TNKS1BP1: variants seen among roughly 807,000 people sequenced by gnomAD.
The protein encoded by TNKS1BP1 is CCR4-NOT transcription complex subunit 12.
In TNKS1BP1, 48 loss-of-function variants were observed where a neutral mutation model predicts 141.1. That is an observed-to-expected ratio of 0.34 (90% CI 0.27 to 0.43). The LOEUF (loss-of-function observed/expected upper bound fraction) is 0.43, where lower values mean the gene tolerates loss of function less well. Among genes scored for constraint, TNKS1BP1 ranks in the 20% least tolerant of loss-of-function variants. The pLI, the probability that TNKS1BP1 is intolerant of heterozygous loss-of-function variation, is 1.00. For synonymous variants in TNKS1BP1, 875 were observed against 898.2 expected, an observed-to-expected ratio of 0.97 and a Z score of 0.46; for missense variants, 2,149 against 2,226.0, an observed-to-expected ratio of 0.97 and a Z score of 0.70.
At chr11:57,319,098 T>C (rs754005018) in intron 3 of TNKS1BP1, among the ~76,000 whole-genome samples, 3 of 149,598 alleles carry the variant, frequency 2.0e-5, no homozygotes, top group African/African-American at 2.5e-5. Context: ...TGAGCCGAGA[T>C]TGCGCCACTG....
chr11:57,309,822 A>C lies in TNKS1BP1; in HGVS notation c.2889T>G (p.Ser963Arg). Residue 963 changes from serine to arginine, a missense_variant, in exon 6 of 12, where the codon AGT (serine) becomes AGG (arginine). Transcript: ENST00000358252. The surrounding 1 kb of genome is among the most constrained non-coding windows in gnomAD (Gnocchi z 4.3). ...CGTCAAGGGTCCTGGAGCTGCCACC[A>C]CTGCTGTAGTCCCTTATCCAAGCGC... The part of the protein sequence containing the change: ...GKSAWIRDYS[S>R]GGSSRTLDAQ... The C allele has an allele frequency of 6.2e-7, 1 of 1,613,994 alleles. No homozygotes were observed. The highest frequency in any genetic ancestry group is 8.5e-7 in the Non-Finnish European group (1 of 1,179,974).
In TNKS1BP1 at chr11:57,310,114, T is replaced by C; in HGVS notation, c.2597A>G (p.Glu866Gly). ...SSRDAELQDQEFGKRDSLGTY... is the reference protein window; with the variant it reads ...SSRDAELQDQGFGKRDSLGTY... ...ACCCAGTGAATCTCTCTTTCCGAAT[T>C]CCTGGTCCTGGAGTTCTGCATCCCG... The change falls in exon 6 of 12, where the codon GAA becomes GGA. Residue 866 changes from glutamate to glycine, a missense_variant. Glu to Gly is a moderately conservative substitution (Grantham distance 98, BLOSUM62 -2). Coordinates refer to ENST00000358252, the MANE Select transcript of TNKS1BP1 (RefSeq NM_033396.3). The C allele has an allele frequency of 6.2e-7, 1 of 1,614,136 alleles. No homozygotes were observed. Among genetic ancestry groups the C allele is most frequent in the Non-Finnish European group, 8.5e-7 (1 of 1,180,022 alleles).
At chr11:57,317,991 G>T in intron 3 of TNKS1BP1, 104 bp from the exon 4 acceptor site, 1 of 1,037,458 alleles carries the variant, frequency 9.6e-7, no homozygotes, top group Non-Finnish European at 1.5e-6. Context: ...AGCACCCAAA[G>T]GTTAAACCCT....
At chr11:57,319,401 T>A (rs1332734386) in intron 3 of TNKS1BP1, among the ~76,000 whole-genome samples, 1 of 152,126 alleles carries the variant, frequency 6.6e-6, no homozygotes, top group African/African-American at 2.4e-5. Context: ...CTACAATGGA[T>A]CTAATACTCC....
In TNKS1BP1 at chr11:57,313,236, G is replaced by A; in HGVS notation, c.1452C>T (p.Pro484=). ...QSFEWTFPTR[P]SGLGVWRLDS... Reference sequence around the variant, plus strand: ...CCAGCCGCCACACGCCCAGACCCGAGGGCCTCGTGGGGAAGGTCCATTCGA... The same window carrying A: ...CCAGCCGCCACACGCCCAGACCCGAAGGCCTCGTGGGGAAGGTCCATTCGA... The change falls in exon 5 of 12, where the codon CCC becomes CCT. Residue 484 remains proline, a synonymous_variant. Coordinates refer to ENST00000358252, the MANE Select transcript of TNKS1BP1 (RefSeq NM_033396.3). 2 of 1,612,856 alleles carry A rather than the reference G, an allele frequency of 1.2e-6. No individual in the cohort carries two copies. The highest frequency in any genetic ancestry group is 1.7e-6 in the Non-Finnish European group (2 of 1,180,006).
intron 4 of TNKS1BP1, among the ~76,000 whole-genome samples, chr11:57,316,515 G>A (rs182818339): frequency 8.3e-4 from 126 of 152,190 alleles, no homozygotes; most frequent in African/African-American, 2.7e-3. Flanking sequence ...CATCTCCCCC[G>A]ATCCTGCTTC....
chr11:57,312,841 T>C lies in TNKS1BP1; in HGVS notation c.1847A>G (p.Glu616Gly). 6.2e-7 allele frequency: 1 copy of C among 1,611,362 alleles called. No individual in the cohort carries two copies. The highest frequency in any genetic ancestry group is 8.5e-7 in the Non-Finnish European group (1 of 1,178,680). ...TGGCTGCTCCTGCCCCAGGACTGGC[T>C]CCAGGATGGGCAAGGCTGCCTCCCT... ...ATREAALPIL[E>G]PVLGQEQPAA... Residue 616 changes from glutamate (E) to glycine (G), a missense_variant, in exon 5 of 12, where the codon GAG (glutamate) becomes GGG (glycine). Coordinates refer to ENST00000358252, the MANE Select transcript of TNKS1BP1 (RefSeq NM_033396.3).
rs765436593 is a variant in TNKS1BP1, at chr11:57,308,702, A to G, written c.4009T>C (p.Cys1337Arg). The G allele has an allele frequency of 5.0e-6, 8 of 1,612,504 alleles. No homozygotes were observed. In the South Asian group the frequency reaches 5.5e-5, roughly 11 times the overall value. ...DSGGSQGLRG[C>R]GVGQMDWTQD... Reference sequence around the variant, plus strand: ...GTCCAGTCCATCTGCCCCACTCCACATCCCCGTAGCCCCTGAGAACCTCCA... The same window carrying G: ...GTCCAGTCCATCTGCCCCACTCCACGTCCCCGTAGCCCCTGAGAACCTCCA... Residue 1337 changes from cysteine (C) to arginine (R), a missense_variant, in exon 6 of 12, where the codon TGT becomes CGT. Cys to Arg is a radical substitution (Grantham distance 180). Coordinates refer to ENST00000358252, the MANE Select transcript of TNKS1BP1 (RefSeq NM_033396.3).
rs1431077638 is a variant in TNKS1BP1 at position 57,313,772 on chromosome 11, G to A, written c.916C>T (p.Pro306Ser). ...TGGCAGGGAGAACTCTTATCAGGCG[G>A]GTGAAGATGGGGAGAGCCAGGGCCT... ...GSGPGSPHLH[P>S]PDKSSPCHSQ... The change falls in exon 5 of 12, where the codon CCG (proline) becomes TCG (serine). Residue 306 changes from proline (P) to serine (S), a missense_variant. Physicochemically the swap from Pro to Ser is moderately conservative, Grantham distance 74. Coordinates refer to ENST00000358252, the MANE Select transcript of TNKS1BP1 (RefSeq NM_033396.3). 1.3e-6 allele frequency: 2 copies of A among 1,599,652 alleles called. No homozygotes were observed. The highest frequency in any genetic ancestry group is 1.7e-5 in the Admixed American group (1 of 57,710).
At chr11:57,319,624 G>A (rs907364210) in intron 3 of TNKS1BP1, among the ~76,000 whole-genome samples, 4 of 152,086 alleles carry the variant, frequency 2.6e-5, no homozygotes, top group Non-Finnish European at 4.4e-5. Flanking sequence ...AAAATTAGCT[G>A]GGCGTGGTGG....
intron 5 of TNKS1BP1, among the ~76,000 whole-genome samples, chr11:57,311,780 C>T (rs992291071): frequency 1.3e-5 from 2 of 152,256 alleles, no homozygotes; most frequent in African/African-American, 4.8e-5. Flanking sequence ...CGGGAAACGG[C>T]GCTGGCCCGG....
Position 57,312,661 on chromosome 11 carries a change from G to A in TNKS1BP1, c.2027C>T (p.Pro676Leu), listed in dbSNP as rs756268249. Residue 676 changes from proline (P) to leucine (L), a missense_variant, in exon 5 of 12, where the codon CCA becomes CTA. By Grantham distance (98) the Pro-to-Leu change is moderately conservative. Coordinates refer to ENST00000358252, the MANE Select transcript of TNKS1BP1 (RefSeq NM_033396.3). ...QDLCRASPEPPGPESSSRWLD... is the reference protein window; with the variant it reads ...QDLCRASPEPLGPESSSRWLD... ...CCAGCGGGAGCTGCTTTCAGGGCCTGGAGGCTCGGGGGATGCCCTACACAA... is the reference window on the plus strand; with the variant it reads ...CCAGCGGGAGCTGCTTTCAGGGCCTAGAGGCTCGGGGGATGCCCTACACAA... 3.8e-6 allele frequency: 6 copies of A among 1,587,212 alleles called. No homozygotes were observed. Among genetic ancestry groups the A allele is most frequent in the Middle Eastern group, 1.7e-4 (1 of 5,920 alleles).
chr11:57,300,567 G>C lies in TNKS1BP1; in HGVS notation c.5163C>G (p.Ala1721=), dbSNP rs372868746. 1 of 1,614,214 alleles carries C rather than the reference G, an allele frequency of 6.2e-7. No individual in the cohort carries two copies. Residue 1721 remains alanine, a synonymous_variant, in exon 11 of 12, where the codon GCC becomes GCG. Transcript: ENST00000358252. The part of the protein sequence containing the change: ...SEGSSPNWLQ[A]LKLKKKKV The stretch of plus-strand genomic sequence containing the variant: ...AGACCTTCTTCTTCTTCAGTTTCAG[G>C]GCTTGAAGCCAGTTGGGCGACGATC...
Position 57,312,963 on chromosome 11 carries a change from A to C in TNKS1BP1, c.1725T>G (p.Thr575=). 1 of 1,613,858 alleles carries C rather than the reference A, an allele frequency of 6.2e-7. No individual in the cohort carries two copies. The highest frequency in any genetic ancestry group is 8.5e-7 in the Non-Finnish European group (1 of 1,179,994). Residue 575 remains threonine (T), a synonymous_variant, in exon 5 of 12, where the codon ACT becomes ACG. Coordinates refer to ENST00000358252, the MANE Select transcript of TNKS1BP1 (RefSeq NM_033396.3). ...PAVPLEPLPT[T]EGTPGLPLQQ... ...GCAAAGGTAATCCAGGTGTGCCCTC[A>C]GTTGTAGGCAGGGGCTCAAGGGGAA...
intron 3 of TNKS1BP1, among the ~76,000 whole-genome samples, chr11:57,319,241 C>T (rs531682983): frequency 6.6e-6 from 1 of 152,146 alleles, no homozygotes; most frequent in South Asian, 2.1e-4. Flanking sequence ...TCCTGACACA[C>T]GCAGCCCCAC....
intron 2 of TNKS1BP1, 81 bp downstream of exon 2, chr11:57,321,711 C>T (rs1002243703): frequency 2.0e-6 from 3 of 1,525,144 alleles, no homozygotes; most frequent in South Asian, 2.5e-5. Context: ...TCAACCACCC[C>T]CCAAGACAGA....
chr11:57,311,324 G>A (rs1855705865), intron 5 of TNKS1BP1: 1 of 985,622 alleles, frequency 1.0e-6, no homozygotes, highest in African/African-American at 1.7e-5. Flanking sequence ...AGCCGCTCCA[G>A]GATAGACATG....
In TNKS1BP1 at chr11:57,324,921, C is replaced by T; in HGVS notation, c.-147G>A. 1.0e-6 allele frequency: 1 copy of T among 991,610 alleles called. No individual in the cohort carries two copies. Among genetic ancestry groups the T allele is most frequent in the Non-Finnish European group, 1.2e-6 (1 of 834,908 alleles). The allele number at this position is 991,610 out of a possible 1,614,324, so 61.4% of individuals were successfully genotyped here. A position where few individuals can be genotyped will look rare whatever the true frequency, so the allele number is the denominator to read the frequency against. ...GCCGCCGCCGCTGCTACCGCCGCCG[C>T]CGCCGCCGTCACCGCGGGACGAAGC... On this transcript the variant is annotated 5_prime_UTR_variant, in exon 1 of 12. Transcript: ENST00000358252.
chr11:57,311,017 T>C (rs1318240145), intron 5 of TNKS1BP1, among the ~76,000 whole-genome samples: 1 of 152,178 alleles, frequency 6.6e-6, no homozygotes, highest in East Asian at 1.9e-4. Context: ...TGACAGCTTT[T>C]CCAGCCCGTC....
Sources: gnomAD v4.1 joint callset for allele counts (sites outside exome capture counted in the v4.1 genomes callset) on GRCh38, gnomAD v4.1.1 for gene constraint, Gnocchi (gnomAD v3.1) non-coding constraint, MANE v1.5 for transcripts, NCBI Gene and HGNC (gene_info 2026-07-23, HGNC 2026-07-21) for gene names.